The following PEPD variants were observed in gnomAD, a reference collection of about 807,000 sequenced individuals.
PEPD encodes the protein xaa-Pro dipeptidase.
In PEPD, 53 loss-of-function variants were observed where a neutral mutation model predicts 60.7. The observed-to-expected ratio is 0.87, with a 90% confidence interval of 0.70 to 1.10. The LOEUF (loss-of-function observed/expected upper bound fraction) is 1.10, where lower values mean the gene tolerates loss of function less well. PEPD is among the 50% of genes least tolerant of loss of function. The pLI is 0.00. For synonymous variants in PEPD, 267 were observed against 284.1 expected (o/e 0.94, Z 0.60); for missense variants, 711 against 711.9 (o/e 1.00, Z 0.01).
intron 9 of PEPD, among the ~76,000 whole-genome samples, chr19:33,447,553 T>C (rs1969615542): frequency 6.6e-6 from 1 of 152,190 alleles, no homozygotes; most frequent in Non-Finnish European, 1.5e-5. Context: ...GTCACTGACA[T>C]GGGATGGAGC....
In PEPD at chr19:33,493,338, C is replaced by G. The variant is rs1970536614; in HGVS notation, c.394-1G>C. On this transcript the variant is annotated splice_acceptor_variant, in intron 4 of 14. Transcript: ENST00000244137. LOFTEE classifies it high-confidence loss of function. ...TCTGTGACGTCAGGACGCTGGCAAT[C>G]TAGAAGGTCGGAAAGAAAAACCCAC... The G allele has an allele frequency of 2.5e-6, 4 of 1,612,814 alleles. No homozygotes were observed. Among genetic ancestry groups the G allele is most frequent in the Non-Finnish European group, 3.4e-6 (4 of 1,178,870 alleles).
chr19:33,493,634 C>A (rs977300340), intron 4 of PEPD, among the ~76,000 whole-genome samples: 4 of 152,114 alleles, frequency 2.6e-5, no homozygotes, highest in African/African-American at 9.7e-5. Context: ...GCAGCCAGCC[C>A]TACCCACCCT....
At chr19:33,415,571 T>C (rs1199740698) in intron 9 of PEPD, among the ~76,000 whole-genome samples, 1 of 152,036 alleles carries the variant, frequency 6.6e-6, no homozygotes, top group African/African-American at 2.4e-5. Context: ...GTGAGGAAAC[T>C]TGGCTCTCTC....
At chr19:33,458,635 G>A (rs886224004) in intron 9 of PEPD, among the ~76,000 whole-genome samples, 28 of 141,936 alleles carry the variant, frequency 2.0e-4, no homozygotes, top group Admixed American at 4.1e-4. Flanking sequence ...TGTGTGTGGC[G>A]TGTGTGTTGT....
intron 7 of PEPD, among the ~76,000 whole-genome samples, chr19:33,476,279 G>A (rs1449042488): frequency 6.6e-6 from 1 of 152,150 alleles, no homozygotes; most frequent in Non-Finnish European, 1.5e-5. Flanking sequence ...CCGAGGGTCA[G>A]TATTAGCGCC....
intron 9 of PEPD, among the ~76,000 whole-genome samples, chr19:33,415,034 G>T (rs1968858773): frequency 6.6e-6 from 1 of 152,180 alleles, no homozygotes; most frequent in Admixed American, 6.5e-5. Flanking sequence ...GGCAGGCAAG[G>T]GCAGTGCCCC....
intron 13 of PEPD, among the ~76,000 whole-genome samples, 167 bp downstream of exon 13, chr19:33,391,128 C>T (rs549261517): frequency 6.6e-6 from 1 of 152,126 alleles, no homozygotes; most frequent in Non-Finnish European, 1.5e-5. Flanking sequence ...TGGCCAGGGT[C>T]CCGATTCCCC....
chr19:33,492,349 G>C lies in PEPD; in HGVS notation c.441+941C>G, dbSNP rs375686654. On this transcript the variant is annotated intron_variant, in intron 5 of 14. Coordinates refer to ENST00000244137, the MANE Select transcript of PEPD (RefSeq NM_000285.4). ...TGGTTTTCAGACCCCTTTAACAGGG[G>C]AGACAGAGGGTGGGAATAAACTTTC... Among the ~76,000 whole-genome samples, 10 of 152,298 alleles carry C rather than the reference G, an allele frequency of 6.6e-5. 1 individual carries two copies. Among genetic ancestry groups the C allele is most frequent in the African/African-American group, 2.2e-4 (9 of 41,552 alleles).
intron 1 of PEPD, among the ~76,000 whole-genome samples, chr19:33,516,383 G>A (rs1971023126): frequency 6.6e-6 from 1 of 152,000 alleles, no homozygotes; most frequent in South Asian, 2.1e-4. Context: ...ATGCTTTGCT[G>A]CAGACAGACA....
intron 4 of PEPD, among the ~76,000 whole-genome samples, chr19:33,499,516 A>C (rs1397889461): frequency 6.6e-6 from 1 of 152,164 alleles, no homozygotes; most frequent in South Asian, 2.1e-4. Flanking sequence ...CTGGGCAGGG[A>C]AAGAGTGCAA....
chr19:33,431,927 AG>A (rs1484818473), intron 9 of PEPD, among the ~76,000 whole-genome samples: 1 of 144,892 alleles, frequency 6.9e-6, no homozygotes, highest in East Asian at 2.1e-4. Flanking sequence ...TGGGAGGCGG[AG>A]GCTGCAGTGA....
chr19:33,437,762 G>A (rs758214996), intron 9 of PEPD, among the ~76,000 whole-genome samples: 1 of 152,178 alleles, frequency 6.6e-6, no homozygotes, highest in Non-Finnish European at 1.5e-5. Context: ...AGGAGACTTG[G>A]GGGGGCGGTG....
chr19:33,505,355 C>A (rs1272973306), intron 3 of PEPD, among the ~76,000 whole-genome samples: 1 of 152,120 alleles, frequency 6.6e-6, no homozygotes, highest in Non-Finnish European at 1.5e-5. Flanking sequence ...CACAGTGACG[C>A]AGGTGCCTAT....
chr19:33,392,304 C>T (rs1437596877), intron 12 of PEPD, among the ~76,000 whole-genome samples: 1 of 152,218 alleles, frequency 6.6e-6, no homozygotes, highest in African/African-American at 2.4e-5. Context: ...AGGAAGGAGG[C>T]CCTTAGAGAG....
chr19:33,510,971 T>G, intron 3 of PEPD, 57 bp downstream of exon 3: 7 of 1,088,788 alleles, frequency 6.4e-6, no homozygotes, highest in South Asian at 1.3e-5. Flanking sequence ...CCACCTCCCC[T>G]ACCCACCCCC....
chr19:33,463,072 G>C (rs1435927521), intron 8 of PEPD, 31 bp from the exon 9 acceptor site: 2 of 1,348,702 alleles, frequency 1.5e-6, no homozygotes, highest in East Asian at 4.6e-5. Flanking sequence ...AAAGACATTT[G>C]TATTAAGCAG....
chr19:33,478,128 G>A (rs769143183), intron 6 of PEPD, 38 bp from the exon 7 acceptor site: 23 of 1,433,774 alleles, frequency 1.6e-5, no homozygotes, highest in South Asian at 5.9e-5. Flanking sequence ...TTAATCCAAC[G>A]GTCTGTCATG....
intron 6 of PEPD, among the ~76,000 whole-genome samples, chr19:33,480,202 A>G (rs1970288352): frequency 6.6e-6 from 1 of 152,224 alleles, no homozygotes; most frequent in Non-Finnish European, 1.5e-5. Context: ...TAAAATGATG[A>G]GAAACGATAT....
At position 33,429,691 on chromosome 19, in the gene PEPD, C is replaced by T. The variant is rs1428871897; in HGVS notation, c.672-16048G>A. 3.3e-5 allele frequency among the ~76,000 whole-genome samples: 5 copies of T among 152,150 alleles called. No individual in the cohort carries two copies. In the East Asian group the frequency reaches 7.7e-4, roughly 23 times the overall value. ...CATAAACTATACAGGAAAGGACCAA[C>T]ATGACAACTGATATTTACAATTTCT... On this transcript the variant is annotated intron_variant, in intron 9 of 14. Transcript: ENST00000244137.
Sources: allele counts gnomAD v4.1 joint callset (sites outside exome capture counted in the v4.1 genomes callset), GRCh38; gene constraint gnomAD v4.1.1; transcripts MANE v1.5; gene names NCBI Gene and HGNC (gene_info 2026-07-23, HGNC 2026-07-21).